The following MTMR4 variants were observed in gnomAD, a reference collection of about 807,000 sequenced individuals.
MTMR4 encodes the protein myotubularin related protein 4.
A neutral mutation model predicts 125.5 loss-of-function variants in MTMR4; 30 were observed. That is an observed-to-expected ratio of 0.24 (90% confidence interval 0.18 to 0.32). The LOEUF (loss-of-function observed/expected upper bound fraction) is 0.32, where lower values mean the gene tolerates loss of function less well. Ranked by LOEUF, MTMR4 falls within the 10% of genes least tolerant of loss-of-function variation. The probability of loss-of-function intolerance (pLI) is 1.00; values close to 1 mark genes in which losing one functional copy is unlikely to be tolerated. For synonymous variants in MTMR4, 498 were observed against 564.5 expected, an observed-to-expected ratio of 0.88 and a Z score of 1.67; for missense variants, 1,039 against 1,511.5, an observed-to-expected ratio of 0.69 and a Z score of 5.18.
rs368767094 is a variant in MTMR4 at position 58,499,789 on chromosome 17, A to ATT, written c.1854-3461_1854-3460dup. Among the ~76,000 whole-genome samples the ATT allele has an allele frequency of 2.8e-3, 399 of 141,254 alleles. 7 individuals carry two copies. The East Asian group carries it at 0.038, about 13-fold the overall frequency. The allele number at this position is 141,254 out of a possible 152,430, so 92.7% of individuals were successfully genotyped here. ...AGGCGCCTGCCACCACGCCCGGCTA[A>ATT]TTTTTTTTTTTTTTGTATTTTTAGT... On this transcript the variant is annotated intron_variant, in intron 14 of 17. Transcript: ENST00000682306.
At chr17:58,513,561 C>T (rs1567939211) in intron 1 of MTMR4, among the ~76,000 whole-genome samples, 1 of 152,160 alleles carries the variant, frequency 6.6e-6, no homozygotes, top group Non-Finnish European at 1.5e-5. Flanking sequence ...GTAACCTGCT[C>T]TGCCTGCTAA....
intron 14 of MTMR4, among the ~76,000 whole-genome samples, chr17:58,497,424 A>G (rs964975304): frequency 6.6e-6 from 1 of 152,188 alleles, no homozygotes. Context: ...ATCCCAATTT[A>G]ACAACATCTT....
At chr17:58,507,971 G>A (rs1184621820) in intron 7 of MTMR4, 190 bp downstream of exon 7, 5 of 533,574 alleles carry the variant, frequency 9.4e-6, no homozygotes, top group African/African-American at 1.9e-5. Context: ...AAAAGGGGGG[G>A]AATGAATAAA....
chr17:58,514,771 T>C (rs1567939901), upstream of MTMR4: 2 of 707,776 alleles, frequency 2.8e-6, no homozygotes, highest in Non-Finnish European at 3.5e-6. Flanking sequence ...GGGCGTACCC[T>C]ACTCCAGGGA....
intron 8 of MTMR4, 126 bp from the exon 9 acceptor site, chr17:58,506,997 C>G: frequency 6.5e-7 from 1 of 1,549,852 alleles, no homozygotes; most frequent in Non-Finnish European, 8.8e-7. Flanking sequence ...CAGCTTCTGA[C>G]AAGGCAGGGA....
chr17:58,511,117 T>C (rs534219897), intron 4 of MTMR4: 1 of 206,628 alleles, frequency 4.8e-6, no homozygotes, highest in South Asian at 1.3e-4. Context: ...ATCAAATGAA[T>C]AAATAAATAA....
Position 58,503,785 on chromosome 17 carries a change from T to C in MTMR4, c.1812A>G (p.Pro604=). The change falls in exon 14 of 18, where the codon CCA becomes CCG. Residue 604 remains proline (P), a synonymous_variant. Transcript: ENST00000682306. ...GEENMDLYLS[P]VAQSQEFSGR... The stretch of plus-strand genomic sequence containing the variant: ...CAGAGAACTCCTGGCTCTGGGCCAC[T>C]GGGGAAAGGTAAAGATCCATGTTTT... 1 of 1,614,136 alleles carries C rather than the reference T, an allele frequency of 6.2e-7. No individual in the cohort carries two copies. The highest frequency in any genetic ancestry group is 8.5e-7 in the Non-Finnish European group (1 of 1,180,024).
At chr17:58,496,652 C>T (rs1975474648) in intron 14 of MTMR4, among the ~76,000 whole-genome samples, 1 of 152,184 alleles carries the variant, frequency 6.6e-6, no homozygotes, top group South Asian at 2.1e-4. Context: ...TATGCCAATG[C>T]CTTCTGAATC....
rs998281639 is a variant in MTMR4, at chr17:58,508,055, T to G, written c.707+106A>C. The G allele has an allele frequency of 5.2e-6, 4 of 763,450 alleles. No individual in the cohort carries two copies. The highest frequency in any genetic ancestry group is 8.9e-6 in the Non-Finnish European group (4 of 448,472). The allele number at this position is 763,450 out of a possible 1,614,324, so 47.3% of individuals were successfully genotyped here. A position where few individuals can be genotyped will look rare whatever the true frequency, so the allele number is the denominator to read the frequency against. ...TTTAAAGTTATTTCATACTTCCCCA[T>G]AGAGTGTCAATTCTCAGTCAACCAG... On this transcript the variant is annotated intron_variant, in intron 7 of 17. Coordinates refer to ENST00000682306, the MANE Select transcript of MTMR4 (RefSeq NM_001378067.1). This position sits in a 1 kb window ranked among gnomAD's most constrained non-coding sequence, Gnocchi z 4.8.
Position 58,491,530 on chromosome 17 carries a change from C to T in MTMR4, c.*133G>A. ...TTCCTCTGCTCCAGTTTCATGATAC[C>T]AAGGAGGATTTCTCAAGATGGTATC... is the stretch of plus-strand genomic sequence containing the variant. On this transcript the variant is annotated 3_prime_UTR_variant, in exon 18 of 18. Transcript: ENST00000682306. 1 of 921,486 alleles carries T rather than the reference C, an allele frequency of 1.1e-6. No homozygotes were observed. The allele number at this position is 921,486 out of a possible 1,614,324, so 57.1% of individuals were successfully genotyped here. A position where few individuals can be genotyped will look rare whatever the true frequency, so the allele number is the denominator to read the frequency against.
In MTMR4 at chr17:58,503,724, G is replaced by A. The variant is rs1183842497; in HGVS notation, c.1853+20C>T. 1 of 1,602,760 alleles carries A rather than the reference G, an allele frequency of 6.2e-7. No homozygotes were observed. Among genetic ancestry groups the A allele is most frequent in the Non-Finnish European group, 8.5e-7 (1 of 1,173,382 alleles). On this transcript the variant is annotated intron_variant, in intron 14 of 17. Coordinates refer to ENST00000682306, the MANE Select transcript of MTMR4 (RefSeq NM_001378067.1). ...GCCTTCCTAGTGGAGAGAGGAGAAA[G>A]GAAGAAGGGCTTTTCTTACCTGTCC...
intron 8 of MTMR4, 124 bp downstream of exon 8, chr17:58,506,999 A>C: frequency 6.4e-7 from 1 of 1,551,552 alleles, no homozygotes; most frequent in South Asian, 1.1e-5. Flanking sequence ...GCTTCTGACA[A>C]GGCAGGGACC....
chr17:58,515,316 C>T (rs761244744), upstream of MTMR4, among the ~76,000 whole-genome samples: 4 of 152,074 alleles, frequency 2.6e-5, no homozygotes, highest in African/African-American at 7.2e-5. Flanking sequence ...GGGTAGAGGG[C>T]CAAGGAATAA....
chr17:58,515,361 A>G (rs1976060143), upstream of MTMR4, among the ~76,000 whole-genome samples: 1 of 152,204 alleles, frequency 6.6e-6, no homozygotes, highest in South Asian at 2.1e-4. Flanking sequence ...TGTCACCAAG[A>G]GTCACAGAGG....
Position 58,495,101 on chromosome 17 carries a change from A to G in MTMR4, c.3083T>C (p.Leu1028Pro). 1 of 1,614,218 alleles carries G rather than the reference A, an allele frequency of 6.2e-7. No individual in the cohort carries two copies. Among genetic ancestry groups the G allele is most frequent in the Non-Finnish European group, 8.5e-7 (1 of 1,180,028 alleles). The change falls in exon 15 of 18, where the codon CTC becomes CCC. Residue 1028 changes from leucine (L) to proline (P), a missense_variant. By Grantham distance (98) the Leu-to-Pro change is moderately conservative. Transcript: ENST00000682306. The stretch of plus-strand genomic sequence containing the variant: ...CTGGATCACATCCGTGGGAAAGGGG[A>G]GTCCATCATCATCCAAATACAGAGG... ...VPPLYLDDDG[L>P]PFPTDVIQHR... is the part of the protein sequence containing the mutation.
chr17:58,495,217 T>C lies in MTMR4; in HGVS notation c.2967A>G (p.Pro989=), dbSNP rs1323583589. 6.2e-7 allele frequency: 1 copy of C among 1,614,238 alleles called. No individual in the cohort carries two copies. Among genetic ancestry groups the C allele is most frequent in the East Asian group, 2.2e-5 (1 of 44,880 alleles). Residue 989 remains proline, a synonymous_variant, in exon 15 of 18, where the codon CCA becomes CCG. Coordinates refer to ENST00000682306, the MANE Select transcript of MTMR4 (RefSeq NM_001378067.1). ...SSHSNGHCTG[P]GGKNQMWLSS... ...ACAACCACATCTGGTTCTTTCCTCC[T>C]GGGCCAGTACAATGTCCATTGGAAT...
At chr17:58,517,319 C>T (rs542715341), upstream of MTMR4, among the ~76,000 whole-genome samples, 2 of 152,358 alleles carry the variant, frequency 1.3e-5, no homozygotes, top group African/African-American at 4.8e-5. Context: ...GCCTCCTAGG[C>T]TCACTTAGGG....
chr17:58,515,916 T>C (rs1373246635), upstream of MTMR4, among the ~76,000 whole-genome samples: 2 of 152,216 alleles, frequency 1.3e-5, no homozygotes, highest in African/African-American at 4.8e-5. Flanking sequence ...CCTACAGCTC[T>C]CTAGGCCTTT....
At chr17:58,502,016 G>A (rs113316091) in intron 14 of MTMR4, among the ~76,000 whole-genome samples, 2 of 151,426 alleles carry the variant, frequency 1.3e-5, no homozygotes, top group Non-Finnish European at 2.9e-5. Flanking sequence ...CTGAGATTGT[G>A]CCACTGCAGT....
Sources: gnomAD v4.1 joint callset for allele counts (sites outside exome capture counted in the v4.1 genomes callset) on GRCh38, gnomAD v4.1.1 for gene constraint, Gnocchi (gnomAD v3.1) non-coding constraint, MANE v1.5 for transcripts, NCBI Gene and HGNC (gene_info 2026-07-23, HGNC 2026-07-21) for gene names.